FIGNL2: variants seen among roughly 807,000 people sequenced by gnomAD.
FIGNL2 encodes fidgetin-like protein 2.
For missense variants in FIGNL2, 1,060 were observed against 950.2 expected, an observed-to-expected ratio of 1.12 and a Z score of -1.52; for synonymous variants, 565 against 484.0, an observed-to-expected ratio of 1.17 and a Z score of -2.20.
At chr12:51,825,022 C>T (rs1477636540) in intron 1 of FIGNL2, among the ~76,000 whole-genome samples, 2 of 151,796 alleles carry the variant, frequency 1.3e-5, no homozygotes, top group Non-Finnish European at 2.9e-5. Flanking sequence ...CCAGCCTGGG[C>T]GACAAGAGTG....
intron 1 of FIGNL2, among the ~76,000 whole-genome samples, chr12:51,826,689 T>G (rs1383183073): frequency 1.3e-5 from 2 of 149,412 alleles, no homozygotes; most frequent in Non-Finnish European, 3.0e-5. Context: ...GGGCACCAGG[T>G]CAGCAACTTC....
chr12:51,847,829 T>C (rs1349061551), intron 1 of FIGNL2: 1 of 985,040 alleles, frequency 1.0e-6, no homozygotes, highest in African/African-American at 1.7e-5. Context: ...GTGGGGAAGT[T>C]TGAGGGGCCC....
rs187915932 is a variant in FIGNL2 at position 51,839,662 on chromosome 12, C to T, written c.-12+8878G>A. 1.9e-3 allele frequency among the ~76,000 whole-genome samples: 291 copies of T among 152,330 alleles called. 2 individuals carry two copies. The highest frequency in any genetic ancestry group is 6.2e-3 in the African/African-American group (258 of 41,578). On this transcript the variant is annotated intron_variant, in intron 1 of 1. Coordinates refer to ENST00000618634, the MANE Select transcript of FIGNL2 (RefSeq NM_001384995.1). ...TCCTCCAGTCACATCAGCCCATTCTCTCTGAGGCTGTTCCTGTCTCCCTCT... is the reference window on the plus strand; with the variant it reads ...TCCTCCAGTCACATCAGCCCATTCTTTCTGAGGCTGTTCCTGTCTCCCTCT...
At chr12:51,829,632 T>G (rs987985941) in intron 1 of FIGNL2, among the ~76,000 whole-genome samples, 1 of 152,058 alleles carries the variant, frequency 6.6e-6, no homozygotes, top group South Asian at 2.1e-4. Context: ...ATACCTTGAG[T>G]GTGCCAGCCA....
At chr12:51,839,697 C>T (rs115182287) in intron 1 of FIGNL2, among the ~76,000 whole-genome samples, 104 of 152,290 alleles carry the variant, frequency 6.8e-4, no homozygotes, top group African/African-American at 2.4e-3. Context: ...TTTGGTGCCC[C>T]GAAGCATGTT....
chr12:51,822,218 T>G lies in FIGNL2; in HGVS notation c.196A>C (p.Lys66Gln). ...ASNLLKRYAE[K>Q]YSGVLDSPYE... ...GGAGAATCCAAGACCCCAGAGTACT[T>G]CTCTGCATAGCGCTTTAGGAGGTTG... The change falls in exon 2 of 2, where the codon AAG becomes CAG. Residue 66 changes from lysine (K) to glutamine (Q), a missense_variant. Lys to Gln is a moderately conservative substitution (Grantham distance 53, BLOSUM62 1). Coordinates refer to ENST00000618634, the MANE Select transcript of FIGNL2 (RefSeq NM_001384995.1). 1 of 1,611,864 alleles carries G rather than the reference T, an allele frequency of 6.2e-7. No homozygotes were observed. Among genetic ancestry groups the G allele is most frequent in the Admixed American group, 1.7e-5 (1 of 59,650 alleles).
In FIGNL2 at chr12:51,821,187, C is replaced by T. The variant is rs1939176366; in HGVS notation, c.1227G>A (p.Val409=). 1 of 1,517,148 alleles carries T rather than the reference C, an allele frequency of 6.6e-7. No homozygotes were observed. The highest frequency in any genetic ancestry group is 2.0e-5 in the Admixed American group (1 of 49,788). The allele number at this position is 1,517,148 out of a possible 1,614,324, so 94.0% of individuals were successfully genotyped here. A position where few individuals can be genotyped will look rare whatever the true frequency, so the allele number is the denominator to read the frequency against. ...ALKAALEEEL[V]WPLLRPPAYP... Reference sequence around the variant, plus strand: ...AGGCGGGCGGCCTGAGCAGGGGCCACACCAGCTCCTCCTCCAGCGCCGCCT... The same window carrying T: ...AGGCGGGCGGCCTGAGCAGGGGCCATACCAGCTCCTCCTCCAGCGCCGCCT... Residue 409 remains valine (V), a synonymous_variant, in exon 2 of 2, where the codon GTG becomes GTA. Transcript: ENST00000618634.
chr12:51,823,851 GGGTGGAGAAGACA>G (rs1232104796), intron 1 of FIGNL2, among the ~76,000 whole-genome samples: 12 of 152,264 alleles, frequency 7.9e-5, no homozygotes, highest in Admixed American at 6.5e-4. Flanking sequence ...TGGGTCAGTC[GGGTGGAGAAGACA>G]GGTAGACAAT....
chr12:51,821,319 C>G lies in FIGNL2; in HGVS notation c.1095G>C (p.Glu365Asp), dbSNP rs1338162878. Reference protein sequence around the residue: ...PRGGFAVPSGETPKGVDPGAL... With the variant: ...PRGGFAVPSGDTPKGVDPGAL... ...CCCCAGGGTCCACGCCTTTGGGAGT[C>G]TCCCCCGACGGCACGGCGAACCCCC... is the stretch of plus-strand genomic sequence containing the variant. The change falls in exon 2 of 2, where the codon GAG becomes GAC. Residue 365 changes from glutamate (E) to aspartate (D), a missense_variant. By Grantham distance (45) the Glu-to-Asp change is conservative (BLOSUM62 2). Coordinates refer to ENST00000618634, the MANE Select transcript of FIGNL2 (RefSeq NM_001384995.1). The G allele has an allele frequency of 6.6e-7, 1 of 1,510,580 alleles. No homozygotes were observed. The highest frequency in any genetic ancestry group is 2.6e-5 in the East Asian group (1 of 38,432). The allele number at this position is 1,510,580 out of a possible 1,614,324, so 93.6% of individuals were successfully genotyped here.
intron 1 of FIGNL2, chr12:51,841,347 C>T (rs1939657761): frequency 6.6e-6 from 1 of 152,286 alleles, no homozygotes; most frequent in African/African-American, 2.4e-5. Flanking sequence ...GCTTCACACA[C>T]ATCAGTTCAT....
At position 51,821,852 on chromosome 12, in the gene FIGNL2, G is replaced by A; in HGVS notation, c.562C>T (p.Leu188=). ...ALPPPPPAAL[L]QPPPPPGYGP... The stretch of plus-strand genomic sequence containing the variant: ...TACCCCGGAGGCGGTGGGGGCTGCA[G>A]GAGCGCGGCCGGGGGCGGCGGGGGC... The change falls in exon 2 of 2, where the codon CTG becomes TTG. Residue 188 remains leucine (L), a synonymous_variant. Coordinates refer to ENST00000618634, the MANE Select transcript of FIGNL2 (RefSeq NM_001384995.1). 4.6e-6 allele frequency: 6 copies of A among 1,293,650 alleles called. No individual in the cohort carries two copies. Among genetic ancestry groups the A allele is most frequent in the Non-Finnish European group, 4.9e-6 (5 of 1,023,970 alleles). The allele number at this position is 1,293,650 out of a possible 1,614,324, so 80.1% of individuals were successfully genotyped here.
At chr12:51,846,386 G>A (rs991839034) in intron 1 of FIGNL2, among the ~76,000 whole-genome samples, 4 of 152,208 alleles carry the variant, frequency 2.6e-5, no homozygotes, top group Non-Finnish European at 5.9e-5. Flanking sequence ...CATTTGGCTG[G>A]AGGAACAGCG....
At chr12:51,846,615 G>A (rs953064630) in intron 1 of FIGNL2, among the ~76,000 whole-genome samples, 1 of 152,066 alleles carries the variant, frequency 6.6e-6, no homozygotes, top group Admixed American at 6.6e-5. Flanking sequence ...TGACAGTTAC[G>A]GGATCCTCAG....
rs1253207751 is a variant in FIGNL2, at chr12:51,847,273, C to T, written c.-12+1267G>A. 5.1e-6 allele frequency: 5 copies of T among 985,274 alleles called. No individual in the cohort carries two copies. The Admixed American group carries it at 2.5e-4, about 48-fold the overall frequency. The allele number at this position is 985,274 out of a possible 1,614,324, so 61.0% of individuals were successfully genotyped here. A position where few individuals can be genotyped will look rare whatever the true frequency, so the allele number is the denominator to read the frequency against. On this transcript the variant is annotated intron_variant, in intron 1 of 1. Transcript: ENST00000618634. The stretch of plus-strand genomic sequence containing the variant: ...AGAGGGTTTCGCACCGTGGCATCTG[C>T]GGGCCCAGCCCACTCCAGAGACTGG...
In FIGNL2 at chr12:51,818,442, T is replaced by G. The variant is rs1462854520; in HGVS notation, c.*2010A>C. The G allele has an allele frequency of 1.3e-5, 2 of 150,388 alleles. No individual in the cohort carries two copies. The highest frequency in any genetic ancestry group is 4.9e-5 in the African/African-American group (2 of 40,860). 9.3% of individuals were successfully genotyped at this position (150,388 alleles called of 1,614,324 possible). On this transcript the variant is annotated 3_prime_UTR_variant, in exon 2 of 2. Coordinates refer to ENST00000618634, the MANE Select transcript of FIGNL2 (RefSeq NM_001384995.1). ...TCACTCCATGCTCCCTCCGAGGGTC[T>G]TTTGCAGCCTGCGGCTGTGACCCGG...
chr12:51,833,742 A>G (rs1592192035), intron 1 of FIGNL2, among the ~76,000 whole-genome samples: 1 of 152,162 alleles, frequency 6.6e-6, no homozygotes, highest in South Asian at 2.1e-4. Context: ...TGTCCCCTTC[A>G]ACCTGATGTT....
intron 1 of FIGNL2, among the ~76,000 whole-genome samples, chr12:51,827,905 G>A (rs1183560895): frequency 6.6e-6 from 1 of 152,216 alleles, no homozygotes; most frequent in Non-Finnish European, 1.5e-5. Context: ...CAGATGAGGA[G>A]ACTGAGGTAC....
At chr12:51,846,857 G>A (rs1000008144) in intron 1 of FIGNL2, among the ~76,000 whole-genome samples, 3 of 152,228 alleles carry the variant, frequency 2.0e-5, no homozygotes, top group Non-Finnish European at 4.4e-5. Context: ...ATTACAGCGA[G>A]GACACGAGGG....
chr12:51,848,263 A>C (rs1403373482), intron 1 of FIGNL2: 108 of 976,610 alleles, frequency 1.1e-4, no homozygotes, highest in Non-Finnish European at 1.3e-4. Context: ...CAGCCCCCGC[A>C]CCAGAGGGGG....
Sources: allele counts gnomAD v4.1 joint callset (sites outside exome capture counted in the v4.1 genomes callset), GRCh38; gene constraint gnomAD v4.1.1; transcripts MANE v1.5; gene names NCBI Gene and HGNC (gene_info 2026-07-23, HGNC 2026-07-21).